Variants in CSMD1 observed in about 807,000 individuals in gnomAD.
The protein encoded by CSMD1 is CUB and Sushi multiple domains 1, also known as CUB and sushi domain-containing protein 1.
A neutral mutation model predicts 417.5 loss-of-function variants in CSMD1; 213 were observed. The observed-to-expected ratio is 0.51, with a 90% CI of 0.46 to 0.57. The LOEUF is 0.57. Among genes scored for constraint, CSMD1 ranks in the 20% least tolerant of loss-of-function variants. CSMD1 has a pLI of 0.00. For synonymous variants in CSMD1, 2,862 were observed against 1,736.8 expected, an observed-to-expected ratio of 1.65 and a Z score of -16.11; for missense variants, 6,923 against 4,529.7, an observed-to-expected ratio of 1.53 and a Z score of -15.17.
chr8:4,495,551 G>C (rs1046718986), intron 2 of CSMD1, among the ~76,000 whole-genome samples: 1 of 151,622 alleles, frequency 6.6e-6, no homozygotes, highest in South Asian at 2.1e-4. Flanking sequence ...CTCTAGCCTG[G>C]GTGACAGAGC....
chr8:4,552,294 C>A (rs1585239383), intron 2 of CSMD1, among the ~76,000 whole-genome samples: 1 of 152,092 alleles, frequency 6.6e-6, no homozygotes, highest in East Asian at 1.9e-4. Flanking sequence ...AAATCCTTCC[C>A]TGAAACGTTA....
chr8:3,309,131 G>A (rs73657809), intron 23 of CSMD1, among the ~76,000 whole-genome samples: 2,074 of 151,414 alleles, frequency 0.014, 55 homozygotes, highest in African/African-American at 0.048. Context: ...GGACCTCTAG[G>A]AACGGGATAC....
chr8:3,481,087 C>A (rs753865972), intron 11 of CSMD1, among the ~76,000 whole-genome samples: 1 of 138,218 alleles, frequency 7.2e-6, no homozygotes, highest in Non-Finnish European at 1.5e-5. Flanking sequence ...ACCCAGAAGG[C>A]GGAGCTTGCA....
At chr8:4,830,986 G>C (rs986839025) in intron 1 of CSMD1, among the ~76,000 whole-genome samples, 3 of 152,298 alleles carry the variant, frequency 2.0e-5, no homozygotes, top group East Asian at 1.9e-4. Flanking sequence ...GAGGCATTTA[G>C]AGGCCCTTCA....
At chr8:3,256,468 T>TATAGTA (rs1800664610) in intron 26 of CSMD1, among the ~76,000 whole-genome samples, 1 of 152,218 alleles carries the variant, frequency 6.6e-6, no homozygotes, top group Admixed American at 6.5e-5. Context: ...TTTTTATTGA[T>TATAGTA]GCTTCAGATC....
At chr8:3,558,558 CG>C (rs201730850) in intron 10 of CSMD1, among the ~76,000 whole-genome samples, 2 of 145,818 alleles carry the variant, frequency 1.4e-5, no homozygotes, top group Admixed American at 6.8e-5. Flanking sequence ...AATGGTACCC[CG>C]TGTCCACTCC....
intron 37 of CSMD1, among the ~76,000 whole-genome samples, chr8:3,177,809 T>C (rs575818355): frequency 2.8e-4 from 43 of 152,284 alleles, no homozygotes; most frequent in African/African-American, 1.0e-3. Flanking sequence ...CTGTACACCT[T>C]GAGGTCAGGC....
intron 3 of CSMD1, among the ~76,000 whole-genome samples, chr8:4,148,678 T>G (rs1204973753): frequency 1.3e-5 from 2 of 152,032 alleles, no homozygotes; most frequent in Non-Finnish European, 2.9e-5. Flanking sequence ...TGCCCTCGTG[T>G]CTCTTCTAGT....
At chr8:3,839,894 G>C (rs576832721) in intron 5 of CSMD1, among the ~76,000 whole-genome samples, 78 of 152,002 alleles carry the variant, frequency 5.1e-4, no homozygotes, top group African/African-American at 1.2e-3. Context: ...AGCCTTTTGA[G>C]GTAGTAGGTA....
intron 7 of CSMD1, among the ~76,000 whole-genome samples, chr8:3,671,017 A>G (rs1282627823): frequency 1.0e-3 from 107 of 101,912 alleles, no homozygotes; most frequent in South Asian, 2.0e-3. Flanking sequence ...ATATATATGT[A>G]TATGGGATAT....
At chr8:3,593,326 G>A (rs774337496) in intron 8 of CSMD1, among the ~76,000 whole-genome samples, 2 of 152,224 alleles carry the variant, frequency 1.3e-5, no homozygotes, top group South Asian at 2.1e-4. Flanking sequence ...AAGCCCCTGT[G>A]TCTCCTGGTG....
intron 3 of CSMD1, among the ~76,000 whole-genome samples, chr8:4,129,355 G>A (rs1266099044): frequency 6.6e-6 from 1 of 152,026 alleles, no homozygotes; most frequent in East Asian, 1.9e-4. Flanking sequence ...CTTCTTGAAT[G>A]CATTCCCAGT....
At chr8:3,421,484 A>G (rs1813485094) in intron 12 of CSMD1, among the ~76,000 whole-genome samples, 1 of 152,242 alleles carries the variant, frequency 6.6e-6, no homozygotes. Flanking sequence ...TATTTACACA[A>G]AACAAAGAAT....
chr8:4,565,792 ATATATG>A (rs1252023405), intron 2 of CSMD1, among the ~76,000 whole-genome samples: 23 of 71,872 alleles, frequency 3.2e-4, no homozygotes, highest in African/African-American at 7.3e-4. Flanking sequence ...ATATATATAT[ATATATG>A]TATACATATA....
At chr8:3,352,204 G>T (rs1290303691) in intron 21 of CSMD1, among the ~76,000 whole-genome samples, 1 of 152,104 alleles carries the variant, frequency 6.6e-6, no homozygotes, top group African/African-American at 2.4e-5. Flanking sequence ...AAGACAAATA[G>T]GATGTTTTTA....
At chr8:3,795,904 TC>T (rs1800064737) in intron 5 of CSMD1, among the ~76,000 whole-genome samples, 2 of 60,860 alleles carry the variant, frequency 3.3e-5, no homozygotes, top group African/African-American at 1.1e-4. Context: ...GATATATATA[TC>T]ATGTACAGAT....
At chr8:4,772,670 C>A (rs1375929666) in intron 1 of CSMD1, among the ~76,000 whole-genome samples, 2 of 151,928 alleles carry the variant, frequency 1.3e-5, no homozygotes, top group African/African-American at 4.8e-5. Context: ...AGAAAAGAAG[C>A]CATAAAAATG....
chr8:3,965,111 G>A (rs562173228), intron 5 of CSMD1, among the ~76,000 whole-genome samples: 39 of 152,216 alleles, frequency 2.6e-4, no homozygotes, highest in Admixed American at 4.6e-4. Flanking sequence ...ATAACTTCAG[G>A]CTATTATTAT....
At chr8:4,009,677 G>A (rs970079195) in intron 4 of CSMD1, among the ~76,000 whole-genome samples, 9 of 152,148 alleles carry the variant, frequency 5.9e-5, no homozygotes, top group African/African-American at 1.9e-4. Context: ...AATACTGGGA[G>A]ATATTATTGA....
Sources: gnomAD v4.1 joint callset for allele counts (sites outside exome capture counted in the v4.1 genomes callset) on GRCh38, gnomAD v4.1.1 for gene constraint, MANE v1.5 for transcripts, NCBI Gene and HGNC (gene_info 2026-07-23, HGNC 2026-07-21) for gene names.